Variants in ADD1 observed in about 807,000 individuals in gnomAD.
ADD1 encodes adducin 1.
In ADD1, 24 loss-of-function variants were observed where a neutral mutation model predicts 80.5. The observed-to-expected ratio is 0.30, with a 90% CI of 0.22 to 0.42. The LOEUF is 0.42. Among genes scored for constraint, ADD1 ranks in the 10% least tolerant of loss-of-function variants. The probability of loss-of-function intolerance (pLI) is 1.00; values close to 1 mark genes in which losing one functional copy is unlikely to be tolerated. For missense variants in ADD1, 948 were observed against 1,019.0 expected (o/e 0.93, Z 0.95); for synonymous variants, 373 against 393.8 (o/e 0.95, Z 0.63).
intron 12 of ADD1, chr4:2,908,892 G>C: frequency 2.0e-6 from 1 of 491,522 alleles, no homozygotes; most frequent in Non-Finnish European, 3.7e-6. Flanking sequence ...GATTCGGCCC[G>C]GGTTCAGCAG....
chr4:2,862,151 G>C (rs753842598), intron 1 of ADD1, among the ~76,000 whole-genome samples: 29 of 152,204 alleles, frequency 1.9e-4, no homozygotes, highest in Non-Finnish European at 4.1e-4. Context: ...AGCAGTAGCT[G>C]GAGAGGTTGG....
At chr4:2,844,665 A>G (rs1725909045) in intron 1 of ADD1, 1 of 152,090 alleles carries the variant, frequency 6.6e-6, no homozygotes, top group African/African-American at 2.4e-5. Flanking sequence ...ATGGCTCAAG[A>G]TAGTTGGGAG....
rs374059477 is a variant in ADD1 at position 2,864,210 on chromosome 4, C to T, written c.-20-11686C>T. On this transcript the variant is annotated intron_variant, in intron 1 of 15. Transcript: ENST00000683351. ...GGCAGATTTCCTGAGTTCAGGAGTT[C>T]GAGAACAGCCTGGGCGATACGGTGA... is the stretch of plus-strand genomic sequence containing the variant. 8.7e-4 allele frequency among the ~76,000 whole-genome samples: 132 copies of T among 152,112 alleles called. 5 individuals carry two copies. The South Asian group carries it at 0.025, about 28-fold the overall frequency.
At chr4:2,913,232 T>G (rs1286648654) in intron 13 of ADD1, among the ~76,000 whole-genome samples, 1 of 152,250 alleles carries the variant, frequency 6.6e-6, no homozygotes, top group Non-Finnish European at 1.5e-5. Context: ...TTGTATCACC[T>G]TCTCATTTCA....
chr4:2,915,407 G>A (rs187530476), intron 14 of ADD1, among the ~76,000 whole-genome samples: 5 of 152,288 alleles, frequency 3.3e-5, no homozygotes, highest in African/African-American at 7.2e-5. Flanking sequence ...TTGGGAGGCC[G>A]AGGCGGGCGG....
chr4:2,925,762 G>C (rs1207486485), intron 14 of ADD1, among the ~76,000 whole-genome samples: 1 of 152,232 alleles, frequency 6.6e-6, no homozygotes, highest in Admixed American at 6.5e-5. Flanking sequence ...GGCTCTGGCA[G>C]ACTCTCTTTG....
intron 1 of ADD1, among the ~76,000 whole-genome samples, chr4:2,859,772 C>G (rs555345511): frequency 2.4e-4 from 36 of 152,304 alleles, no homozygotes; most frequent in African/African-American, 8.4e-4. Flanking sequence ...TTTCCAGTGT[C>G]AGGCTTAACC....
rs7664518 is a variant in ADD1, at chr4:2,869,812, C to T, written c.-20-6084C>T. The stretch of plus-strand genomic sequence containing the variant: ...TAAGGGAAGATACTGCAGAGATCAC[C>T]TCTCTTCTTGGTCTCCTATTGACAA... On this transcript the variant is annotated intron_variant, in intron 1 of 15. Transcript: ENST00000683351. 4.8e-3 allele frequency among the ~76,000 whole-genome samples: 728 copies of T among 152,254 alleles called. 11 individuals are homozygous for T. The highest frequency in any genetic ancestry group is 0.016 in the African/African-American group (678 of 41,526).
chr4:2,852,296 CTTTTCTTTTCTTTT>C lies in ADD1; in HGVS notation c.-21+8287_-21+8300del, dbSNP rs1274856662. ...TTCCTTCCTTCTTTTCTTTTCTTTT[CTTTTCTTTTCTTTT>C]TTTTCTTTTCTTTTCTTTCTTTTTT... is the stretch of plus-strand genomic sequence containing the variant. On this transcript the variant is annotated intron_variant, in intron 1 of 15. Transcript: ENST00000683351. Among the ~76,000 whole-genome samples, 544 of 93,512 alleles carry C rather than the reference CTTTTCTTTTCTTTT, an allele frequency of 5.8e-3. 1 individual carries two copies. The highest frequency in any genetic ancestry group is 0.02 in the African/African-American group (501 of 24,770). 61.3% of individuals were successfully genotyped at this position (93,512 alleles called of 152,430 possible).
chr4:2,847,670 G>T (rs1215072008), intron 1 of ADD1, among the ~76,000 whole-genome samples: 1 of 146,958 alleles, frequency 6.8e-6, no homozygotes, highest in Non-Finnish European at 1.5e-5. Flanking sequence ...TGATTGACAT[G>T]TGCCCAAGGT....
rs1233492688 is a variant in ADD1, at chr4:2,926,596, A to C, written c.2047+484A>C. On this transcript the variant is annotated intron_variant, in intron 15 of 15. Transcript: ENST00000683351. The surrounding 1 kb of genome is among the most constrained non-coding windows in gnomAD (Gnocchi z 5.0). ...CTGATGGCTGTGACTGAATGCATAG[A>C]TTCTCTCCTTGTGCTTTTTTCTCCC... 1.9e-6 allele frequency: 3 copies of C among 1,608,314 alleles called. No individual in the cohort carries two copies. The African/African-American group carries it at 4.0e-5, about 22-fold the overall frequency.
intron 4 of ADD1, among the ~76,000 whole-genome samples, chr4:2,885,829 C>T (rs113742287): frequency 0.017 from 2,629 of 152,182 alleles, 82 homozygotes; most frequent in African/African-American, 0.059. Context: ...CCAGGATGGT[C>T]TCGATCTCCT....
chr4:2,898,492 C>G lies in ADD1; in HGVS notation c.945C>G (p.Phe315Leu), dbSNP rs1315799503. The part of the protein sequence containing the change: ...VSVGESVEEA[F>L]YYIHNLVVAC... ...TTGGAGAGAGCGTTGAGGAGGCCTT[C>G]TATTACATCCATAACCTTGTGGTTG... Residue 315 changes from phenylalanine to leucine, a missense_variant, in exon 8 of 16, where the codon TTC becomes TTG. Coordinates refer to ENST00000683351, the MANE Select transcript of ADD1 (RefSeq NM_001354761.2). The G allele has an allele frequency of 1.2e-6, 2 of 1,614,214 alleles. No homozygotes were observed. The highest frequency in any genetic ancestry group is 1.7e-6 in the Non-Finnish European group (2 of 1,180,032).
chr4:2,888,366 A>C (rs1185122689), intron 4 of ADD1, among the ~76,000 whole-genome samples: 1 of 151,084 alleles, frequency 6.6e-6, no homozygotes, highest in African/African-American at 2.4e-5. Flanking sequence ...GGTGTGAGCC[A>C]CTGTGCCCGG....
chr4:2,906,684 T>C (rs1737123023), intron 10 of ADD1, among the ~76,000 whole-genome samples: 1 of 152,238 alleles, frequency 6.6e-6, no homozygotes, highest in Non-Finnish European at 1.5e-5. Flanking sequence ...TCAAATGTGT[T>C]CAAGTTTCTG....
intron 4 of ADD1, among the ~76,000 whole-genome samples, chr4:2,892,304 A>G (rs928818035): frequency 6.6e-6 from 1 of 152,218 alleles, no homozygotes. Context: ...ATGTATTTGA[A>G]CTTAATCTTT....
chr4:2,863,578 G>A (rs1729115249), intron 1 of ADD1, among the ~76,000 whole-genome samples: 1 of 152,164 alleles, frequency 6.6e-6, no homozygotes, highest in Non-Finnish European at 1.5e-5. Context: ...TGGAAGCCAG[G>A]ATACTTGGTT....
At chr4:2,896,234 A>G (rs1390563652) in intron 6 of ADD1, among the ~76,000 whole-genome samples, 2 of 149,564 alleles carry the variant, frequency 1.3e-5, no homozygotes, top group Admixed American at 6.7e-5. Flanking sequence ...TTGGAGATGG[A>G]GTCTTGCTGT....
chr4:2,921,423 C>A (rs1017168634), intron 14 of ADD1, among the ~76,000 whole-genome samples: 1 of 152,150 alleles, frequency 6.6e-6, no homozygotes, highest in African/African-American at 2.4e-5. Context: ...CCACTGCACC[C>A]GGCCGAAAAT....
Sources: allele counts gnomAD v4.1 joint callset (sites outside exome capture counted in the v4.1 genomes callset), GRCh38; gene constraint gnomAD v4.1.1; non-coding constraint Gnocchi (gnomAD v3.1); transcripts MANE v1.5; gene names NCBI Gene and HGNC (gene_info 2026-07-23, HGNC 2026-07-21).